SLC22A12: variants seen among roughly 807,000 people sequenced by gnomAD.
The protein encoded by SLC22A12 is solute carrier family 22 member 12.
In SLC22A12, 56 loss-of-function variants were observed where a neutral mutation model predicts 52.7. That is an observed-to-expected ratio of 1.06 (90% CI 0.86 to 1.33). SLC22A12 has a LOEUF of 1.33. SLC22A12 is among the 40% of genes most tolerant of loss of function. SLC22A12 has a pLI of 0.00. For missense variants in SLC22A12, 683 were observed against 741.5 expected (o/e 0.92, Z 0.92); for synonymous variants, 337 against 324.6 (o/e 1.04, Z -0.41).
rs1304176442 is a variant in SLC22A12, at chr11:64,601,502, C to T, written c.1613C>T (p.Ala538Val). 1.9e-6 allele frequency: 3 copies of T among 1,613,710 alleles called. No homozygotes were observed. Among genetic ancestry groups the T allele is most frequent in the Admixed American group, 1.7e-5 (1 of 59,984 alleles). The change falls in exon 10 of 10, where the codon GCA becomes GTA. Residue 538 changes from alanine (A) to valine (V), a missense_variant. Coordinates refer to ENST00000377574, the MANE Select transcript of SLC22A12 (RefSeq NM_144585.4). ...QDVQNQAVKK[A>V]THGTLGNSVL... ...TTCCTGAACAGGGCAGTAAAGAAGGCAACACATGGCACGCTGGGGAACTCT... is the reference window on the plus strand; with the variant it reads ...TTCCTGAACAGGGCAGTAAAGAAGGTAACACATGGCACGCTGGGGAACTCT...
chr11:64,595,596 GGATGGATGGATGGTTGAATGGATGGATA>G (rs1441130616), intron 4 of SLC22A12, among the ~76,000 whole-genome samples: 1 of 149,716 alleles, frequency 6.7e-6, no homozygotes, highest in Admixed American at 6.6e-5. Flanking sequence ...AAGGAGGGAT[GGATGGATGGATGGTTGAATGGATGGATA>G]GATGGATGGA....
intron 8 of SLC22A12, 47 bp from the exon 9 acceptor site, chr11:64,600,688 C>T (rs2039426130): frequency 6.2e-7 from 1 of 1,600,358 alleles, no homozygotes; most frequent in Non-Finnish European, 8.5e-7. Context: ...AGGATCAAGG[C>T]TGTGGGCACA....
intron 9 of SLC22A12, 91 bp downstream of exon 9, chr11:64,601,029 G>A (rs150482953): frequency 6.6e-7 from 1 of 1,521,352 alleles, no homozygotes; most frequent in Admixed American, 1.7e-5. Flanking sequence ...TCACTTGACA[G>A]AGGCGGAAGC....
rs1331976068 is a variant in SLC22A12, at chr11:64,601,861, CCAACCCT to C, written c.*312_*318del. On this transcript the variant is annotated 3_prime_UTR_variant, in exon 10 of 10. Coordinates refer to ENST00000377574, the MANE Select transcript of SLC22A12 (RefSeq NM_144585.4). ...GGCCCAGGGGAACGAGCTGGCCTTG[CCAACCCT>C]CTGCTTGACTCCGCACTGCCACTTG... The C allele has an allele frequency of 4.9e-6, 2 of 408,316 alleles. No individual in the cohort carries two copies. The allele number at this position is 408,316 out of a possible 1,614,324, so 25.3% of individuals were successfully genotyped here.
chr11:64,594,482 ATAGATAGGTAGG>A (rs777492783), intron 4 of SLC22A12, among the ~76,000 whole-genome samples: 66 of 83,140 alleles, frequency 7.9e-4, no homozygotes, highest in South Asian at 3.3e-3. Flanking sequence ...GTAGAAATAG[ATAGATAGGTAGG>A]TAGGTAGGTA....
chr11:64,593,014 C>G (rs2038971483), intron 2 of SLC22A12, 132 bp downstream of exon 2: 1 of 792,242 alleles, frequency 1.3e-6, no homozygotes, highest in Non-Finnish European at 2.1e-6. Context: ...GGGTGTGGGT[C>G]TCGGACCAGC....
intron 6 of SLC22A12, 85 bp from the exon 7 acceptor site, chr11:64,599,591 G>GCCCCCCCCCCCCCCTTTTTCCC: frequency 1.6e-6 from 1 of 617,180 alleles, no homozygotes; most frequent in Non-Finnish European, 2.4e-6. Context: ...CCCACCCTGA[G>GCCCCCCCCCCCCCCTTTTTCCC]CCCCCACCGC....
Position 64,599,067 on chromosome 11 carries a change from A to G in SLC22A12, c.1070+144A>G, listed in dbSNP as rs1308718165. Reference sequence around the variant, plus strand: ...CCTTCCCCTCTGTCAGTCACTCCCGACAGGAGACAACCCAGGCCGGGTGGG... The same window carrying G: ...CCTTCCCCTCTGTCAGTCACTCCCGGCAGGAGACAACCCAGGCCGGGTGGG... On this transcript the variant is annotated intron_variant, in intron 6 of 9. Transcript: ENST00000377574. 7.2e-6 allele frequency: 9 copies of G among 1,253,274 alleles called. No individual in the cohort carries two copies. The Admixed American group carries it at 1.2e-4, about 17-fold the overall frequency. The allele number at this position is 1,253,274 out of a possible 1,614,324, so 77.6% of individuals were successfully genotyped here. A position where few individuals can be genotyped will look rare whatever the true frequency, so the allele number is the denominator to read the frequency against.
chr11:64,599,313 G>A (rs930399934), intron 6 of SLC22A12, among the ~76,000 whole-genome samples: 12 of 151,970 alleles, frequency 7.9e-5, no homozygotes, highest in Admixed American at 2.0e-4. Flanking sequence ...GACCAAAACC[G>A]CCAAGGCCAA....
At position 64,593,821 on chromosome 11, in the gene SLC22A12, C is replaced by G. The variant is rs1343742407; in HGVS notation, c.830+18C>G. The stretch of plus-strand genomic sequence containing the variant: ...TACTCCTGGTGGGTGCTGTGCCCCA[C>G]TCCCCTCCTCAGAGGAGATCCTGCC... On this transcript the variant is annotated intron_variant, in intron 4 of 9. Transcript: ENST00000377574. 3.1e-6 allele frequency: 5 copies of G among 1,600,658 alleles called. No individual in the cohort carries two copies. Among genetic ancestry groups the G allele is most frequent in the Non-Finnish European group, 4.2e-6 (5 of 1,179,426 alleles).
chr11:64,595,021 GGTTGGAATA>G (rs377163921), intron 4 of SLC22A12, among the ~76,000 whole-genome samples: 914 of 51,458 alleles, frequency 0.018, no homozygotes, highest in Middle Eastern at 0.043. Context: ...ATGGATGGAT[GGTTGGAATA>G]GATGGATGGA....
At position 64,599,839 on chromosome 11, in the gene SLC22A12, T is replaced by A; in HGVS notation, c.1234T>A (p.Ser412Thr). ...GGGCCGCCGCCCCACGCTGGCCGCA[T>A]CCCTGTTGCTGGCAGGGCTCTGCAT... The part of the protein sequence containing the change: ...HLGRRPTLAA[S>T]LLLAGLCILA... Residue 412 changes from serine to threonine, a missense_variant, in exon 7 of 10, where the codon TCC (serine) becomes ACC (threonine). By Grantham distance (58) the Ser-to-Thr change is moderately conservative (BLOSUM62 1). Transcript: ENST00000377574. 1 of 1,612,790 alleles carries A rather than the reference T, an allele frequency of 6.2e-7. No individual in the cohort carries two copies. The highest frequency in any genetic ancestry group is 8.5e-7 in the Non-Finnish European group (1 of 1,179,840).
In SLC22A12 at chr11:64,593,669, G is replaced by A. The variant is rs762412720; in HGVS notation, c.696G>A (p.Leu232=). ...GGACGGCGGCACGGGCCCGACCCTT[G>A]GTGATGACCTTGAACTCTCTGGGCT... ...MEWTAARARP[L]VMTLNSLGFS... The change falls in exon 4 of 10, where the codon TTG becomes TTA. Residue 232 remains leucine, a synonymous_variant. Transcript: ENST00000377574. 1.2e-6 allele frequency: 2 copies of A among 1,614,178 alleles called. No individual in the cohort carries two copies. The highest frequency in any genetic ancestry group is 3.3e-4 in the Middle Eastern group (2 of 6,062).
chr11:64,599,306 C>G (rs1591401427), intron 6 of SLC22A12, among the ~76,000 whole-genome samples: 1 of 152,092 alleles, frequency 6.6e-6, no homozygotes. Flanking sequence ...CAGCAAAGAC[C>G]AAAACCGCCA....
At chr11:64,593,257 G>T in intron 2 of SLC22A12, 148 bp from the exon 3 acceptor site, 1 of 1,271,608 alleles carries the variant, frequency 7.9e-7, no homozygotes, top group South Asian at 1.2e-5. Flanking sequence ...GGTTCCGTAG[G>T]TGGAGAATGT....
intron 7 of SLC22A12, 122 bp downstream of exon 7, chr11:64,600,012 G>A (rs1486305575): frequency 4.5e-5 from 56 of 1,253,016 alleles, no homozygotes; most frequent in South Asian, 2.2e-4. Context: ...GGAGGCTGCC[G>A]GAGCCGTCTA....
At chr11:64,599,592 C>CCCCCCCCCCCCCCTTTTT in intron 6 of SLC22A12, 84 bp from the exon 7 acceptor site, 6 of 560,814 alleles carry the variant, frequency 1.1e-5, no homozygotes, top group South Asian at 2.8e-5. Context: ...CCACCCTGAG[C>CCCCCCCCCCCCCCTTTTT]CCCCACCGCC....
Position 64,591,898 on chromosome 11 carries a change from G to A in SLC22A12, c.342G>A (p.Glu114=). The A allele has an allele frequency of 6.2e-7, 1 of 1,612,666 alleles. No individual in the cohort carries two copies. Among genetic ancestry groups the A allele is most frequent in the African/African-American group, 1.3e-5 (1 of 75,060 alleles). ...TATSWSEADT[E]PCVDGWVYDR... Reference sequence around the variant, plus strand: ...CCAGCTGGAGCGAGGCCGACACGGAGCCGTGTGTGGATGGCTGGGTCTATG... The same window carrying A: ...CCAGCTGGAGCGAGGCCGACACGGAACCGTGTGTGGATGGCTGGGTCTATG... Residue 114 remains glutamate, a synonymous_variant, in exon 1 of 10, where the codon GAG becomes GAA. Coordinates refer to ENST00000377574, the MANE Select transcript of SLC22A12 (RefSeq NM_144585.4).
At chr11:64,598,466 G>A (rs776151192) in intron 4 of SLC22A12, 50 bp from the exon 5 acceptor site, 10 of 1,550,200 alleles carry the variant, frequency 6.5e-6, no homozygotes, top group South Asian at 1.2e-5. Context: ...GCGCAGGCCA[G>A]GCACTGGGGG....
Sources: allele counts gnomAD v4.1 joint callset (sites outside exome capture counted in the v4.1 genomes callset), GRCh38; gene constraint gnomAD v4.1.1; transcripts MANE v1.5; gene names NCBI Gene and HGNC (gene_info 2026-07-23, HGNC 2026-07-21).